The following TLN2 variants were observed in gnomAD, a reference collection of about 807,000 sequenced individuals.
The protein encoded by TLN2 is talin 2.
A neutral mutation model predicts 294.7 loss-of-function variants in TLN2; 118 were observed. That is an observed-to-expected ratio of 0.40 (90% confidence interval 0.34 to 0.47). The LOEUF is 0.47. Among genes scored for constraint, TLN2 ranks in the 20% least tolerant of loss-of-function variants. The pLI, the probability that TLN2 is intolerant of heterozygous loss-of-function variation, is 0.84. For missense variants in TLN2, 3,083 were observed against 3,282.2 expected (o/e 0.94, Z 1.48); for synonymous variants, 1,431 against 1,304.5 (o/e 1.10, Z -2.09).
rs759893350 is a variant in TLN2, at chr15:62,752,346, G to C, written c.4251G>C (p.Lys1417Asn). ...TGGCAGGGATTTCACAGAATGCCAA[G>C]ACCGGAGACCTCCCTGCCTTTGGGG... is the stretch of plus-strand genomic sequence containing the variant. ...ESMAGISQNAKTGDLPAFGEC... is the reference protein window; with the variant it reads ...ESMAGISQNANTGDLPAFGEC... The change falls in exon 35 of 59, where the codon AAG becomes AAC. Residue 1417 changes from lysine to asparagine, a missense_variant. Transcript: ENST00000636159. 4.3e-6 allele frequency: 7 copies of C among 1,614,050 alleles called. No homozygotes were observed. In the East Asian group the frequency reaches 1.6e-4, roughly 36 times the overall value.
rs149434344 is a variant in TLN2, at chr15:62,781,186, A to G, written c.5561A>G (p.Tyr1854Cys). The G allele has an allele frequency of 2.2e-5, 36 of 1,614,112 alleles. No individual in the cohort carries two copies. The highest frequency in any genetic ancestry group is 6.7e-5 in the African/African-American group (5 of 74,942). Residue 1854 changes from tyrosine (Y) to cysteine (C), a missense_variant, in exon 44 of 59, where the codon TAT becomes TGT. Physicochemically the swap from Tyr to Cys is radical, Grantham distance 194. Transcript: ENST00000636159. ...PPEPKGTFVD[Y>C]QTTVVKYSKA... The stretch of plus-strand genomic sequence containing the variant: ...GAACCAAAGGGAACATTTGTCGACT[A>G]TCAGACGACTGTGGTTAAATACTCC...
chr15:62,524,142 A>G (rs2040609464), intron 1 of TLN2, among the ~76,000 whole-genome samples: 1 of 152,144 alleles, frequency 6.6e-6, no homozygotes, highest in Admixed American at 6.5e-5. Context: ...CCTGAAAACC[A>G]CCTGGAATTC....
rs1301427312 is a variant in TLN2 at position 62,456,870 on chromosome 15, AGGG to A, written c.-238+66189_-238+66191del. Among the ~76,000 whole-genome samples the A allele has an allele frequency of 3.9e-5, 6 of 152,082 alleles. No homozygotes were observed. In the South Asian group the frequency reaches 1.0e-3, roughly 26 times the overall value. The stretch of plus-strand genomic sequence containing the variant: ...CATTCTGCTTGCCCCATGGCAGAAA[AGGG>A]GGGCGGTTCAGGGCTCCTTGACATT... On this transcript the variant is annotated intron_variant, in intron 1 of 58. Transcript: ENST00000636159.
intron 9 of TLN2, among the ~76,000 whole-genome samples, chr15:62,661,756 T>C (rs114995702): frequency 0.026 from 3,901 of 152,254 alleles, 51 homozygotes; most frequent in African/African-American, 0.039. Context: ...TTTAAATGCA[T>C]TGAAACTGAT....
At chr15:62,517,973 T>C (rs2040264100) in intron 1 of TLN2, among the ~76,000 whole-genome samples, 1 of 152,130 alleles carries the variant, frequency 6.6e-6, no homozygotes, top group African/African-American at 2.4e-5. Context: ...GATTGTTGTG[T>C]GGAACGAGAG....
intron 1 of TLN2, among the ~76,000 whole-genome samples, chr15:62,539,939 C>G (rs1297364120): frequency 6.6e-6 from 1 of 150,682 alleles, no homozygotes; most frequent in Admixed American, 6.6e-5. Context: ...TTTGACTTAA[C>G]TACTAAACCT....
chr15:62,840,061 T>C (rs2070437988), intron 58 of TLN2, among the ~76,000 whole-genome samples: 1 of 152,220 alleles, frequency 6.6e-6, no homozygotes, highest in African/African-American at 2.4e-5. Flanking sequence ...TGCCCATACC[T>C]GGACCGGGTC....
Position 62,610,077 on chromosome 15 carries a change from C to T in TLN2, c.-161-8274C>T, listed in dbSNP as rs181965656. 1.6e-4 allele frequency among the ~76,000 whole-genome samples: 24 copies of T among 152,290 alleles called. No individual in the cohort carries two copies. In the South Asian group the frequency reaches 3.1e-3, roughly 20 times the overall value. On this transcript the variant is annotated intron_variant, in intron 2 of 58. Transcript: ENST00000636159. ...CTGCTCCAGACTTAGGAGGGGGTGC[C>T]ATGGGCTCTCCCACAGAGCCCTGAT...
intron 2 of TLN2, among the ~76,000 whole-genome samples, chr15:62,596,926 G>A (rs1032973035): frequency 5.9e-5 from 9 of 151,714 alleles, no homozygotes; most frequent in Non-Finnish European, 1.3e-4. Context: ...CTTCTTTTAC[G>A]GGGGCTTCCA....
intron 55 of TLN2, 161 bp downstream of exon 55, chr15:62,833,790 C>G: frequency 9.5e-7 from 1 of 1,057,452 alleles, no homozygotes; most frequent in Non-Finnish European, 1.3e-6. Flanking sequence ...AAACTACAGC[C>G]TTCAGACCAA....
intron 1 of TLN2, among the ~76,000 whole-genome samples, chr15:62,480,062 C>T (rs984656378): frequency 6.6e-6 from 1 of 152,164 alleles, no homozygotes; most frequent in Non-Finnish European, 1.5e-5. Context: ...CAGGTGTTTC[C>T]TTGTCTTCTG....
At chr15:62,452,174 G>A (rs1011222811) in intron 1 of TLN2, among the ~76,000 whole-genome samples, 8 of 152,136 alleles carry the variant, frequency 5.3e-5, no homozygotes, top group Admixed American at 3.9e-4. Flanking sequence ...GGGTTGTGAG[G>A]GTGCTTCTGC....
chr15:62,819,006 C>G (rs1349279140), intron 52 of TLN2, among the ~76,000 whole-genome samples: 1 of 152,016 alleles, frequency 6.6e-6, no homozygotes, highest in Non-Finnish European at 1.5e-5. Flanking sequence ...CAGGTGTGTG[C>G]CACCATGCCC....
chr15:62,598,503 C>T (rs988596488), intron 2 of TLN2, among the ~76,000 whole-genome samples: 3 of 152,168 alleles, frequency 2.0e-5, no homozygotes, highest in Non-Finnish European at 2.9e-5. Context: ...CTTCTCTGCT[C>T]GATGTTCCCT....
intron 10 of TLN2, among the ~76,000 whole-genome samples, chr15:62,674,590 C>A (rs545133221): frequency 6.4e-4 from 97 of 151,040 alleles, no homozygotes; most frequent in Non-Finnish European, 1.3e-3. Context: ...GTACCTCCCC[C>A]CGCCCTGTTC....
At chr15:62,496,889 G>A (rs982530898) in intron 1 of TLN2, among the ~76,000 whole-genome samples, 5 of 152,160 alleles carry the variant, frequency 3.3e-5, no homozygotes, top group Non-Finnish European at 5.9e-5. Context: ...TGTTCTGTAG[G>A]CAGATAGGAG....
chr15:62,460,337 C>G (rs901323902), intron 1 of TLN2, among the ~76,000 whole-genome samples: 1 of 151,390 alleles, frequency 6.6e-6, no homozygotes, highest in Admixed American at 6.6e-5. Flanking sequence ...ATGATCTCAG[C>G]TCACCGCAAC....
At chr15:62,512,405 G>T (rs2039979458) in intron 1 of TLN2, among the ~76,000 whole-genome samples, 1 of 151,974 alleles carries the variant, frequency 6.6e-6, no homozygotes, top group East Asian at 1.9e-4. Context: ...CCCCATTCTG[G>T]ATAACATATT....
Position 62,805,655 on chromosome 15 carries a change from G to A in TLN2, c.6533G>A (p.Arg2178Lys). The change falls in exon 51 of 59, where the codon AGG becomes AAG. Residue 2178 changes from arginine to lysine, a missense_variant. Transcript: ENST00000636159. ...EKTSSPEESI[R>K]MTKGITMATA... is the part of the protein sequence containing the mutation. ...ACATCATCACCTGAAGAATCCATAA[G>A]GATGACGAAAGGCATCACCATGGCA... 2 of 1,614,054 alleles carry A rather than the reference G, an allele frequency of 1.2e-6. No homozygotes were observed. The highest frequency in any genetic ancestry group is 8.5e-7 in the Non-Finnish European group (1 of 1,179,952).
Sources: gnomAD v4.1 joint callset for allele counts (sites outside exome capture counted in the v4.1 genomes callset) on GRCh38, gnomAD v4.1.1 for gene constraint, MANE v1.5 for transcripts, NCBI Gene and HGNC (gene_info 2026-07-23, HGNC 2026-07-21) for gene names.